The following MAMLD1 variants were observed in gnomAD, a reference collection of about 807,000 sequenced individuals.
MAMLD1 encodes mastermind-like domain-containing protein 1.
In MAMLD1, 14 loss-of-function variants were observed where a neutral mutation model predicts 45.0. The observed-to-expected ratio is 0.31, with a 90% CI of 0.21 to 0.49. The LOEUF is 0.49. Ranked by LOEUF, MAMLD1 falls within the 20% of genes least tolerant of loss-of-function variation. The pLI, the probability that MAMLD1 is intolerant of heterozygous loss-of-function variation, is 0.99. For missense variants in MAMLD1, 543 were observed against 603.6 expected, an observed-to-expected ratio of 0.90 and a Z score of 1.05; for synonymous variants, 254 against 247.8, an observed-to-expected ratio of 1.02 and a Z score of -0.24.
At chrX:150,400,698 T>C (rs2033712876) in intron 1 of MAMLD1, among the ~76,000 whole-genome samples, 1 of 111,275 alleles carries the variant, frequency 9.0e-6, no homozygotes, top group African/African-American at 3.3e-5. Flanking sequence ...AGGCCTTTTC[T>C]GCATCTATTG....
In MAMLD1 at chrX:150,369,140, CT is replaced by C. The variant is rs376630529; in HGVS notation, c.-64+5619del. 2.5e-3 allele frequency among the ~76,000 whole-genome samples: 274 copies of C among 107,551 alleles called. 1 individual carries two copies. The highest frequency in any genetic ancestry group is 8.6e-3 in the African/African-American group (254 of 29,475). 93.4% of individuals were successfully genotyped at this position (107,551 alleles called of 115,157 possible). A position where few individuals can be genotyped will look rare whatever the true frequency, so the allele number is the denominator to read the frequency against. ...TGATGGGGATGGCATTGAATAAACC[CT>C]TTTTTTTTAAGATTCTGATTTTTTT... On this transcript the variant is annotated intron_variant, in intron 1 of 7. Transcript: ENST00000370401.
chrX:150,498,875 G>A (rs965169990), intron 5 of MAMLD1, among the ~76,000 whole-genome samples: 1 of 112,345 alleles, frequency 8.9e-6, no homozygotes, highest in African/African-American at 3.2e-5. Context: ...CAAGAAAAAA[G>A]CCAAGAAGCG....
chrX:150,413,530 GAAAC>G (rs1317889502), intron 1 of MAMLD1, among the ~76,000 whole-genome samples: 2 of 110,697 alleles, frequency 1.8e-5, no homozygotes, highest in African/African-American at 3.3e-5. Flanking sequence ...CCACTAAAAA[GAAAC>G]AAACAGTTGA....
chrX:150,421,763 T>A lies in MAMLD1; in HGVS notation c.-63-23691T>A, dbSNP rs967872359. On this transcript the variant is annotated intron_variant, in intron 1 of 7. Coordinates refer to ENST00000370401, the MANE Select transcript of MAMLD1 (RefSeq NM_005491.5). ...GAATAATCTTGAGCATTGTCCCAAT[T>A]AATGATTCAGGGCTTCAATTCCCCA... 4.4e-5 allele frequency among the ~76,000 whole-genome samples: 5 copies of A among 112,465 alleles called. No individual in the cohort carries two copies. In the East Asian group the frequency reaches 1.4e-3, roughly 32 times the overall value.
chrX:150,470,301 G>A lies in MAMLD1; in HGVS notation c.728G>A (p.Cys243Tyr), dbSNP rs1198511739. Reference sequence around the variant, plus strand: ...TCCAGCAAGGAGTTTGCTTCTAGTTGCAGCCAAGTTACTGGCATGTCACTT... The same window carrying A: ...TCCAGCAAGGAGTTTGCTTCTAGTTACAGCCAAGTTACTGGCATGTCACTT... ...LASSKEFASS[C>Y]SQVTGMSLQI... is the part of the protein sequence containing the mutation. Residue 243 changes from cysteine to tyrosine, a missense_variant, in exon 4 of 8, where the codon TGC becomes TAC. Coordinates refer to ENST00000370401, the MANE Select transcript of MAMLD1 (RefSeq NM_005491.5). 41 of 1,206,775 alleles carry A rather than the reference G, an allele frequency of 3.4e-5. No individual in the cohort carries two copies. Among genetic ancestry groups the A allele is most frequent in the Non-Finnish European group, 4.0e-5 (36 of 892,959 alleles).
intron 7 of MAMLD1, among the ~76,000 whole-genome samples, chrX:150,510,469 T>A (rs1275212036): frequency 2.7e-5 from 3 of 111,691 alleles, no homozygotes; most frequent in African/African-American, 9.8e-5. Flanking sequence ...GTATAGGGAA[T>A]GGAAAAGGGG....
chrX:150,490,683 G>T (rs2037156080), intron 5 of MAMLD1, among the ~76,000 whole-genome samples: 1 of 112,005 alleles, frequency 8.9e-6, no homozygotes, highest in Non-Finnish European at 1.9e-5. Flanking sequence ...GAAAGATATT[G>T]GAGGTTGTCT....
intron 1 of MAMLD1, among the ~76,000 whole-genome samples, chrX:150,441,054 A>G (rs995555280): frequency 1.8e-4 from 19 of 104,298 alleles, no homozygotes; most frequent in African/African-American, 3.8e-4. Flanking sequence ...AAATATTATT[A>G]ATATTATGTT....
At chrX:150,383,276 A>G (rs2032762257) in intron 1 of MAMLD1, among the ~76,000 whole-genome samples, 1 of 111,023 alleles carries the variant, frequency 9.0e-6, no homozygotes, top group Non-Finnish European at 1.9e-5. Flanking sequence ...TTTTAAAGAG[A>G]GAAAAGAAAT....
chrX:150,367,094 G>A lies in MAMLD1; in HGVS notation c.-64+3564G>A, dbSNP rs782429604. ...GGGGGGTGGGGAAGAGTTTGGCGTT[G>A]GAAGAAGAAAGCCTTTAGGAGATAC... On this transcript the variant is annotated intron_variant, in intron 1 of 7. Transcript: ENST00000370401. Among the ~76,000 whole-genome samples the A allele has an allele frequency of 4.6e-5, 5 of 107,869 alleles. No homozygotes were observed. In the South Asian group the frequency reaches 1.7e-3, roughly 37 times the overall value. The allele number at this position is 107,869 out of a possible 115,157, so 93.7% of individuals were successfully genotyped here. A position where few individuals can be genotyped will look rare whatever the true frequency, so the allele number is the denominator to read the frequency against.
chrX:150,469,603 A>G, intron 3 of MAMLD1, 142 bp from the exon 4 acceptor site: 3 of 456,415 alleles, frequency 6.6e-6, no homozygotes, highest in East Asian at 3.8e-5. Context: ...CTTTATAAAA[A>G]TTCCTCTCTC....
Position 150,480,444 on chromosome X carries a change from A to G in MAMLD1, c.2040+6642A>G, listed in dbSNP as rs782342348. ...TGTGTTTTTTGCTAGATGAGTGTTT[A>G]TCATGCCGGCTGCACCCATCCAAAG... On this transcript the variant is annotated intron_variant, in intron 5 of 7. Coordinates refer to ENST00000370401, the MANE Select transcript of MAMLD1 (RefSeq NM_005491.5). Among the ~76,000 whole-genome samples, 4 of 112,034 alleles carry G rather than the reference A, an allele frequency of 3.6e-5. No individual in the cohort carries two copies. The East Asian group carries it at 8.4e-4, about 24-fold the overall frequency.
chrX:150,394,932 T>C (rs782602841), intron 1 of MAMLD1, among the ~76,000 whole-genome samples: 3 of 111,999 alleles, frequency 2.7e-5, no homozygotes, highest in East Asian at 5.6e-4. Flanking sequence ...TTGTTTCCTT[T>C]TTTTGTCTTA....
intron 1 of MAMLD1, among the ~76,000 whole-genome samples, chrX:150,372,773 C>T (rs1300076146): frequency 6.2e-5 from 7 of 112,107 alleles, no homozygotes; most frequent in African/African-American, 2.3e-4. Context: ...TCTAGTGATC[C>T]CCCAGCCATG....
chrX:150,433,499 G>A (rs1273243811), intron 1 of MAMLD1, among the ~76,000 whole-genome samples: 2 of 111,591 alleles, frequency 1.8e-5, no homozygotes, highest in Non-Finnish European at 3.8e-5. Flanking sequence ...TTTTCAAGGG[G>A]AATACTTCCA....
chrX:150,384,339 G>A (rs2032811302), intron 1 of MAMLD1, among the ~76,000 whole-genome samples: 1 of 111,822 alleles, frequency 8.9e-6, no homozygotes, highest in Admixed American at 9.5e-5. Flanking sequence ...CATTATGATT[G>A]TGATTTGCAT....
chrX:150,512,516 G>A lies in MAMLD1; in HGVS notation c.*557G>A, dbSNP rs1429023705. On this transcript the variant is annotated 3_prime_UTR_variant, in exon 8 of 8. Transcript: ENST00000370401. ...TCAGCAGCACTCACCTTCTGGCCAGGCCTGCCTTCAGAGGCCATCTGATTG... is the reference window on the plus strand; with the variant it reads ...TCAGCAGCACTCACCTTCTGGCCAGACCTGCCTTCAGAGGCCATCTGATTG... 36 of 1,154,855 alleles carry A rather than the reference G, an allele frequency of 3.1e-5. No homozygotes were observed. The highest frequency in any genetic ancestry group is 3.9e-5 in the Non-Finnish European group (34 of 872,655).
At chrX:150,397,516 C>G (rs1557402299) in intron 1 of MAMLD1, among the ~76,000 whole-genome samples, 1 of 111,330 alleles carries the variant, frequency 9.0e-6, no homozygotes, top group Non-Finnish European at 1.9e-5. Flanking sequence ...ATTCCCCTTT[C>G]ATGGTTGTTT....
At chrX:150,481,369 T>G (rs2036748200) in intron 5 of MAMLD1, among the ~76,000 whole-genome samples, 2 of 112,365 alleles carry the variant, frequency 1.8e-5, no homozygotes, top group Admixed American at 1.9e-4. Context: ...AGAGAGAAAA[T>G]AACAAGTGAT....
Sources: allele counts gnomAD v4.1 joint callset (sites outside exome capture counted in the v4.1 genomes callset), GRCh38; gene constraint gnomAD v4.1.1; transcripts MANE v1.5; gene names NCBI Gene and HGNC (gene_info 2026-07-23, HGNC 2026-07-21).